PDE4D: variants seen among roughly 807,000 people sequenced by gnomAD.
The protein encoded by PDE4D is 3',5'-cyclic-AMP phosphodiesterase 4D.
In PDE4D, 24 loss-of-function variants were observed where a neutral mutation model predicts 87.4. That is an observed-to-expected ratio of 0.27 (90% confidence interval 0.20 to 0.39). The LOEUF (loss-of-function observed/expected upper bound fraction) is 0.39. Ranked by LOEUF, PDE4D falls within the 10% of genes least tolerant of loss-of-function variation. The probability of loss-of-function intolerance (pLI) is 1.00; values close to 1 mark genes in which losing one functional copy is unlikely to be tolerated. For synonymous variants in PDE4D, 384 were observed against 383.2 expected (o/e 1.00, Z -0.02); for missense variants, 714 against 1,041.0 (o/e 0.69, Z 4.32).
In PDE4D at chr5:60,022,993, G is replaced by A. The variant is rs781701769; in HGVS notation, c.43-34276C>T. On this transcript the variant is annotated intron_variant, in intron 2 of 16. Coordinates refer to the PDE4D transcript ENST00000502484. ...CCTCAGCTCGACCTGTCACCAGCTC[G>A]GGACATTAATGCTCCATTGAATGTC... Among the ~76,000 whole-genome samples, 10 of 152,084 alleles carry A rather than the reference G, an allele frequency of 6.6e-5. No homozygotes were observed. The South Asian group carries it at 8.3e-4, about 13-fold the overall frequency.
intron 1 of PDE4D, among the ~76,000 whole-genome samples, chr5:59,462,922 C>T (rs550810378): frequency 1.3e-5 from 2 of 151,674 alleles, no homozygotes; most frequent in Non-Finnish European, 2.9e-5. Flanking sequence ...AAACTGCAGA[C>T]AAATTTTTCT....
chr5:59,130,155 A>G (rs1487269824), intron 5 of PDE4D, among the ~76,000 whole-genome samples: 1 of 152,216 alleles, frequency 6.6e-6, no homozygotes, highest in Non-Finnish European at 1.5e-5. Flanking sequence ...CAAATATATG[A>G]TCATTGGCCT....
At chr5:59,962,935 C>T (rs1186754657) in intron 3 of PDE4D, among the ~76,000 whole-genome samples, 4 of 152,094 alleles carry the variant, frequency 2.6e-5, no homozygotes, top group African/African-American at 4.8e-5. Flanking sequence ...GAACCAGCTT[C>T]GGGCCCAGGT....
intron 1 of PDE4D, among the ~76,000 whole-genome samples, chr5:59,434,002 G>A (rs746282552): frequency 2.0e-5 from 3 of 151,640 alleles, no homozygotes; most frequent in Non-Finnish European, 4.4e-5. Context: ...AAATGCTGGA[G>A]GAACTTCTTT....
chr5:60,355,924 T>C (rs898226548), intron 1 of PDE4D, among the ~76,000 whole-genome samples: 6 of 152,132 alleles, frequency 3.9e-5, no homozygotes, highest in African/African-American at 4.8e-5. Flanking sequence ...AAAATCCAAG[T>C]ATAAGCAGAC....
intron 1 of PDE4D, chr5:59,768,321 G>A (rs1763062513): frequency 6.3e-7 from 1 of 1,598,326 alleles, no homozygotes; most frequent in Non-Finnish European, 8.5e-7. Flanking sequence ...GAAGCCTGGG[G>A]GAATTTCTCG....
At chr5:59,155,269 C>T (rs1227183599) in intron 5 of PDE4D, among the ~76,000 whole-genome samples, 2 of 151,910 alleles carry the variant, frequency 1.3e-5, no homozygotes, top group African/African-American at 4.8e-5. Context: ...GGAAGAGAGA[C>T]CATGAAGAAT....
intron 1 of PDE4D, among the ~76,000 whole-genome samples, chr5:60,447,636 C>T (rs971394412): frequency 5.3e-5 from 8 of 152,098 alleles, no homozygotes; most frequent in East Asian, 1.9e-4. Flanking sequence ...GCAGAGGAAA[C>T]GTGCTATTTA....
intron 4 of PDE4D, 118 bp from the exon 5 acceptor site, chr5:59,180,762 C>G: frequency 1.0e-6 from 1 of 969,328 alleles, no homozygotes; most frequent in Non-Finnish European, 1.6e-6. Context: ...AGTTTGGACA[C>G]GCAAATGATT....
intron 1 of PDE4D, among the ~76,000 whole-genome samples, chr5:60,486,077 C>A (rs1749114425): frequency 6.6e-6 from 1 of 152,120 alleles, no homozygotes. Flanking sequence ...AATACTACAC[C>A]AAGTGGGCCA....
chr5:59,326,239 C>G (rs1006411544), intron 1 of PDE4D, among the ~76,000 whole-genome samples: 22 of 151,690 alleles, frequency 1.5e-4, no homozygotes, highest in African/African-American at 5.3e-4. Context: ...GCACGTTGTG[C>G]ACATGTACCC....
At chr5:59,704,897 T>C (rs1753164603) in intron 1 of PDE4D, among the ~76,000 whole-genome samples, 1 of 152,208 alleles carries the variant, frequency 6.6e-6, no homozygotes, top group Non-Finnish European at 1.5e-5. Flanking sequence ...GAAATATGTG[T>C]GTGTTTCCAT....
chr5:59,908,185 A>G (rs1753039132), intron 3 of PDE4D, among the ~76,000 whole-genome samples: 1 of 152,150 alleles, frequency 6.6e-6, no homozygotes, highest in Admixed American at 6.5e-5. Context: ...AAACATTTCC[A>G]GTTCCTAATT....
intron 2 of PDE4D, among the ~76,000 whole-genome samples, chr5:60,018,042 G>T (rs1229035068): frequency 6.6e-6 from 1 of 152,080 alleles, no homozygotes; most frequent in Non-Finnish European, 1.5e-5. Context: ...TTTCTGTAAT[G>T]ATCAATGATG....
At chr5:60,123,078 C>T (rs191317020) in intron 2 of PDE4D, among the ~76,000 whole-genome samples, 2 of 152,184 alleles carry the variant, frequency 1.3e-5, no homozygotes, top group African/African-American at 4.8e-5. Context: ...TCTGAGAGCA[C>T]CTCAGCTTGG....
At chr5:59,509,122 T>C (rs1170329416) in intron 1 of PDE4D, among the ~76,000 whole-genome samples, 2 of 151,950 alleles carry the variant, frequency 1.3e-5, no homozygotes, top group Non-Finnish European at 2.9e-5. Context: ...TCTGGATTCA[T>C]TAGAGTGAAA....
At chr5:59,213,334 G>T (rs543010544) in intron 2 of PDE4D, among the ~76,000 whole-genome samples, 1 of 151,458 alleles carries the variant, frequency 6.6e-6, no homozygotes, top group Non-Finnish European at 1.5e-5. Flanking sequence ...CTATTTTTTT[G>T]GATTTTTAGT....
intron 2 of PDE4D, among the ~76,000 whole-genome samples, chr5:60,021,485 G>A (rs1766062402): frequency 1.3e-5 from 2 of 152,202 alleles, no homozygotes; most frequent in South Asian, 2.1e-4. Context: ...AACAACAAAA[G>A]TGGATGCAGA....
chr5:59,926,138 T>A (rs1008904000), intron 3 of PDE4D, among the ~76,000 whole-genome samples: 4 of 151,810 alleles, frequency 2.6e-5, no homozygotes, highest in African/African-American at 9.7e-5. Flanking sequence ...CTTAAAACAT[T>A]AAAAAAAATT....
Sources: gnomAD v4.1 joint callset for allele counts (sites outside exome capture counted in the v4.1 genomes callset) on GRCh38, gnomAD v4.1.1 for gene constraint, MANE v1.5 for transcripts, NCBI Gene and HGNC (gene_info 2026-07-23, HGNC 2026-07-21) for gene names.